ACSL3: variants seen among roughly 807,000 people sequenced by gnomAD.
ACSL3 encodes the protein acyl-CoA synthetase long chain family member 3.
In ACSL3, 34 loss-of-function variants were observed where a neutral mutation model predicts 84.7. That is an observed-to-expected ratio of 0.40 (90% CI 0.31 to 0.53). The LOEUF (loss-of-function observed/expected upper bound fraction) is 0.53, where lower values mean the gene tolerates loss of function less well. ACSL3 is among the 20% of genes least tolerant of loss of function. The probability of loss-of-function intolerance (pLI) is 0.48; values close to 1 mark genes in which losing one functional copy is unlikely to be tolerated. For missense variants in ACSL3, 680 were observed against 873.1 expected (o/e 0.78, Z 2.79); for synonymous variants, 315 against 299.4 (o/e 1.05, Z -0.54).
At chr2:222,862,276 G>T (rs1695033954) in intron 1 of ACSL3, among the ~76,000 whole-genome samples, 1 of 152,202 alleles carries the variant, frequency 6.6e-6, no homozygotes, top group African/African-American at 2.4e-5. Context: ...CTGCAGATTG[G>T]ACGACTTAGC....
chr2:222,881,603 G>A (rs900726385), intron 1 of ACSL3, among the ~76,000 whole-genome samples: 4 of 152,080 alleles, frequency 2.6e-5, no homozygotes, highest in African/African-American at 9.7e-5. Context: ...TGCAACCTCC[G>A]CTTCCCGGGT....
chr2:222,933,134 T>G (rs1309585847), intron 14 of ACSL3, 32 bp from the exon 15 acceptor site: 2 of 1,350,724 alleles, frequency 1.5e-6, no homozygotes, highest in Admixed American at 1.7e-5. Context: ...TTACTCATTG[T>G]TTTCCCCTCT....
intron 6 of ACSL3, among the ~76,000 whole-genome samples, chr2:222,918,846 G>A (rs1696654430): frequency 6.6e-6 from 1 of 151,746 alleles, no homozygotes; most frequent in Non-Finnish European, 1.5e-5. Flanking sequence ...CAAAGGCCAA[G>A]GGTACACACA....
At chr2:222,905,599 G>A (rs986056537) in intron 3 of ACSL3, among the ~76,000 whole-genome samples, 1 of 152,174 alleles carries the variant, frequency 6.6e-6, no homozygotes. Context: ...TAGCAAGACC[G>A]TTTGTTTTCA....
intron 16 of ACSL3, 102 bp from the exon 17 acceptor site, chr2:222,941,395 T>C (rs919180717): frequency 1.1e-6 from 1 of 872,800 alleles, no homozygotes; most frequent in East Asian, 2.6e-5. Flanking sequence ...GGTTCACTTG[T>C]TGGTTGTGCA....
In ACSL3 at chr2:222,929,787, A is replaced by G. The variant is rs576511866; in HGVS notation, c.1541-834A>G. Among the ~76,000 whole-genome samples the G allele has an allele frequency of 1.0e-4, 15 of 150,716 alleles. No individual in the cohort carries two copies. In the South Asian group the frequency reaches 3.1e-3, roughly 32 times the overall value. ...AGCGAAACTCTCATCTCCAAAATAA[A>G]TAAATAAAGAAAGATTCTAAGGCTT... On this transcript the variant is annotated intron_variant, in intron 13 of 16. Coordinates refer to ENST00000357430, the MANE Select transcript of ACSL3 (RefSeq NM_004457.5).
intron 2 of ACSL3, among the ~76,000 whole-genome samples, chr2:222,899,638 G>T (rs145325718): frequency 6.6e-6 from 1 of 152,086 alleles, no homozygotes; most frequent in African/African-American, 2.4e-5. Flanking sequence ...ATAAAGTGGC[G>T]CAAGAATAGC....
At chr2:222,925,198 T>C (rs1360283843) in intron 11 of ACSL3, among the ~76,000 whole-genome samples, 1 of 150,100 alleles carries the variant, frequency 6.7e-6, no homozygotes, top group East Asian at 2.0e-4. Flanking sequence ...TTAGCCAGAG[T>C]GGTGGCATGT....
intron 1 of ACSL3, among the ~76,000 whole-genome samples, chr2:222,873,041 G>T (rs1695346747): frequency 6.6e-6 from 1 of 152,202 alleles, no homozygotes; most frequent in African/African-American, 2.4e-5. Flanking sequence ...TTGGAGGCTT[G>T]ACTGTGCCAA....
intron 8 of ACSL3, 93 bp downstream of exon 8, chr2:222,921,523 A>C: frequency 1.6e-6 from 2 of 1,234,132 alleles, no homozygotes; most frequent in Non-Finnish European, 2.2e-6. Flanking sequence ...TGGCTAAATT[A>C]GTCCCTCAGA....
intron 11 of ACSL3, among the ~76,000 whole-genome samples, chr2:222,924,860 A>G (rs564287722): frequency 9.9e-5 from 15 of 151,836 alleles, no homozygotes; most frequent in African/African-American, 1.9e-4. Flanking sequence ...CGTCTCTACT[A>G]AAAACACAAA....
chr2:222,917,144 C>T (rs1400078829), intron 5 of ACSL3, among the ~76,000 whole-genome samples: 1 of 152,138 alleles, frequency 6.6e-6, no homozygotes, highest in African/African-American at 2.4e-5. Flanking sequence ...GGCTGGAGTG[C>T]AGTGGCACAG....
intron 12 of ACSL3, 148 bp from the exon 13 acceptor site, chr2:222,928,714 G>A: frequency 2.9e-6 from 2 of 699,936 alleles, no homozygotes; most frequent in Admixed American, 3.0e-5. Context: ...CTCACGGCCT[G>A]TGCTTCACCA....
chr2:222,916,203 G>A (rs12623448), intron 4 of ACSL3, 116 bp from the exon 5 acceptor site: 516,103 of 635,696 alleles, frequency 0.81, 210,951 homozygotes, highest in East Asian at 0.98. Flanking sequence ...TTATTAAAAA[G>A]ATAATTCTAT....
chr2:222,880,555 G>A (rs564892453), intron 1 of ACSL3, among the ~76,000 whole-genome samples: 9 of 152,016 alleles, frequency 5.9e-5, no homozygotes, highest in Non-Finnish European at 1.2e-4. Flanking sequence ...TTGGCCGGGC[G>A]CGGTGGCTCA....
chr2:222,904,623 T>C (rs1696245935), intron 3 of ACSL3: 1 of 153,406 alleles, frequency 6.5e-6, no homozygotes, highest in Non-Finnish European at 1.5e-5. Flanking sequence ...AAGTAGCAAG[T>C]TGTTTTTTTC....
chr2:222,922,662 T>C (rs1696771743), intron 8 of ACSL3, 46 bp from the exon 9 acceptor site: 1 of 1,609,816 alleles, frequency 6.2e-7, no homozygotes, highest in Admixed American at 1.7e-5. Context: ...ACTTTTGGCA[T>C]AGACGACACC....
At position 222,897,766 on chromosome 2, in the gene ACSL3, A is replaced by C. The variant is rs78482904; in HGVS notation, c.-147-2908A>C. ...AAAACCCCGTCTCCACCAAAAAAAA[A>C]CGAAAACCAGTCAGGCGTGGTGACG... On this transcript the variant is annotated intron_variant, in intron 2 of 16. Coordinates refer to ENST00000357430, the MANE Select transcript of ACSL3 (RefSeq NM_004457.5). Among the ~76,000 whole-genome samples the C allele has an allele frequency of 3.9e-4, 16 of 41,126 alleles. 8 individuals are homozygous for C. The highest frequency in any genetic ancestry group is 3.1e-4 in the Non-Finnish European group (8 of 25,888). 27.0% of individuals were successfully genotyped at this position (41,126 alleles called of 152,430 possible). A position where few individuals can be genotyped will look rare whatever the true frequency, so the allele number is the denominator to read the frequency against.
chr2:222,925,488 G>A (rs1011579813), intron 11 of ACSL3, among the ~76,000 whole-genome samples: 3 of 152,102 alleles, frequency 2.0e-5, no homozygotes, highest in Non-Finnish European at 4.4e-5. Flanking sequence ...AGCTACTTCA[G>A]GGACTGAAGT....
Sources: allele counts gnomAD v4.1 joint callset (sites outside exome capture counted in the v4.1 genomes callset), GRCh38; gene constraint gnomAD v4.1.1; transcripts MANE v1.5; gene names NCBI Gene and HGNC (gene_info 2026-07-23, HGNC 2026-07-21).